KRT9: variants seen among roughly 807,000 people sequenced by gnomAD.
KRT9 encodes keratin, type I cytoskeletal 9.
Under a neutral mutation model 51.4 loss-of-function variants are expected in KRT9, and 34 were observed. The observed-to-expected ratio is 0.66, with a 90% CI of 0.50 to 0.88. The LOEUF (loss-of-function observed/expected upper bound fraction) is 0.88. Ranked by LOEUF, KRT9 falls within the 40% of genes least tolerant of loss-of-function variation. KRT9 has a pLI of 0.00. For synonymous variants in KRT9, 292 were observed against 289.7 expected, an observed-to-expected ratio of 1.01 and a Z score of -0.08; for missense variants, 753 against 790.3, an observed-to-expected ratio of 0.95 and a Z score of 0.57.
rs1223547795 is a variant in KRT9, at chr17:41,570,158, T to A, written c.705A>T (p.Thr235=). ...TLLDIDNTRM[T]LDDFRIKFEM... ...CTCACTTTATCCTGAAGTCATCCAG[T>A]GTCATGCGAGTGTTGTCAATGTCCA... The change falls in exon 2 of 8, where the codon ACA becomes ACT. Residue 235 remains threonine (T), a synonymous_variant. Coordinates refer to ENST00000246662, the MANE Select transcript of KRT9 (RefSeq NM_000226.4). 2 of 1,613,886 alleles carry A rather than the reference T, an allele frequency of 1.2e-6. No homozygotes were observed. The highest frequency in any genetic ancestry group is 1.7e-5 in the Admixed American group (1 of 59,998).
At position 41,568,570 on chromosome 17, in the gene KRT9, C is replaced by T. The variant is rs1326817006; in HGVS notation, c.1108G>A (p.Val370Met). ...GQEVQSSAKEVTQLRHGVQEL... is the reference protein window; with the variant it reads ...GQEVQSSAKEMTQLRHGVQEL... ...TGGACACCGTGCCGGAGCTGGGTCACCTCCTTGGCACTGGACTGCACCTCC... is the reference window on the plus strand; with the variant it reads ...TGGACACCGTGCCGGAGCTGGGTCATCTCCTTGGCACTGGACTGCACCTCC... Residue 370 changes from valine (V) to methionine (M), a missense_variant, in exon 5 of 8, where the codon GTG becomes ATG. By Grantham distance (21) the Val-to-Met change is conservative. Around this residue, in one of 3 missense-constraint regions of KRT9, gnomAD observed 507 missense variants for 563.7 expected, o/e 0.90. Transcript: ENST00000246662. The T allele has an allele frequency of 3.7e-6, 6 of 1,614,048 alleles. No homozygotes were observed. The highest frequency in any genetic ancestry group is 5.1e-6 in the Non-Finnish European group (6 of 1,180,028).
At chr17:41,568,469 G>A in intron 5 of KRT9, 39 bp downstream of exon 5, 1 of 1,614,028 alleles carries the variant, frequency 6.2e-7, no homozygotes, top group Non-Finnish European at 8.5e-7. Flanking sequence ...GACTTCCTGT[G>A]CCCCACCTTG....
chr17:41,569,898 C>A lies in KRT9; in HGVS notation c.843G>T (p.Leu281=), dbSNP rs1907017871. The A allele has an allele frequency of 2.5e-6, 4 of 1,614,218 alleles. No homozygotes were observed. Among genetic ancestry groups the A allele is most frequent in the South Asian group, 1.1e-5 (1 of 91,088 alleles). ...TCTTGAGGGCCATCAGCTCCTCCTG[C>A]AGAGTCTCATACTGCATCTCCAGGT... ...KSDLEMQYET[L]QEELMALKKN... Residue 281 remains leucine, a synonymous_variant, in exon 3 of 8, where the codon CTG becomes CTT. Transcript: ENST00000246662.
Position 41,569,336 on chromosome 17 carries a change from G to A in KRT9, c.1044+90C>T, listed in dbSNP as rs1451569266. 7 of 1,273,734 alleles carry A rather than the reference G, an allele frequency of 5.5e-6. No homozygotes were observed. In the Admixed American group the frequency reaches 1.4e-4, roughly 25 times the overall value. The allele number at this position is 1,273,734 out of a possible 1,614,324, so 78.9% of individuals were successfully genotyped here. On this transcript the variant is annotated intron_variant, in intron 4 of 7. Coordinates refer to ENST00000246662, the MANE Select transcript of KRT9 (RefSeq NM_000226.4). Reference sequence around the variant, plus strand: ...TGACAGCTGCACTGAGAGATGCAGAGATAGGAGGATGAAGGAATGGGAGGT... The same window carrying A: ...TGACAGCTGCACTGAGAGATGCAGAAATAGGAGGATGAAGGAATGGGAGGT...
chr17:41,568,434 C>G (rs776682268), intron 5 of KRT9, 49 bp from the exon 6 acceptor site: 1 of 1,613,998 alleles, frequency 6.2e-7, no homozygotes, highest in Non-Finnish European at 8.5e-7. Flanking sequence ...CATAACTCCT[C>G]TTCTTCCCAC....
intron 6 of KRT9, 67 bp downstream of exon 6, chr17:41,568,095 G>T: frequency 7.4e-7 from 1 of 1,360,304 alleles, no homozygotes; most frequent in Non-Finnish European, 1.0e-6. Flanking sequence ...CCTCTATCCA[G>T]AGGGACAGAA....
rs750792652 is a variant in KRT9, at chr17:41,571,333, A to G, written c.642+18T>C. 3.7e-6 allele frequency: 6 copies of G among 1,602,824 alleles called. No homozygotes were observed. The South Asian group carries it at 4.4e-5, about 12-fold the overall frequency. Reference sequence around the variant, plus strand: ...GAAAGAGAAAGAGACCAAGACAGAGACAGTTTCCTGCACCTACCTGGTCCT... The same window carrying G: ...GAAAGAGAAAGAGACCAAGACAGAGGCAGTTTCCTGCACCTACCTGGTCCT... On this transcript the variant is annotated intron_variant, in intron 1 of 7. Coordinates refer to ENST00000246662, the MANE Select transcript of KRT9 (RefSeq NM_000226.4).
In KRT9 at chr17:41,569,784, T is replaced by C. The variant is rs1907012194; in HGVS notation, c.882+75A>G. 5.0e-6 allele frequency: 8 copies of C among 1,585,340 alleles called. No homozygotes were observed. In the Admixed American group the frequency reaches 1.3e-4, roughly 26 times the overall value. On this transcript the variant is annotated intron_variant, in intron 3 of 7. Coordinates refer to ENST00000246662, the MANE Select transcript of KRT9 (RefSeq NM_000226.4). ...AGGAGAGGGTGTCTCCCAGGTAATG[T>C]TCCAAAGCTCCCCTGCTGTCTCTGC...
rs1252803746 is a variant in KRT9, at chr17:41,571,914, TGCCCCCGCTGCCCAGGCC to T, written c.61_78del (p.Gly21_Gly26del). 7 of 1,591,190 alleles carry T rather than the reference TGCCCCCGCTGCCCAGGCC, an allele frequency of 4.4e-6. No individual in the cohort carries two copies. The Admixed American group carries it at 5.2e-5, about 12-fold the overall frequency. On this transcript the variant is annotated inframe_deletion, in exon 1 of 8. Transcript: ENST00000246662. ...AAGCGGCTGTAGGAAGACCTTATGC[TGCCCCCGCTGCCCAGGCC>T]GCCCCCGCCACCCCCGCCGCTGCGG...
At chr17:41,570,251 A>T in intron 1 of KRT9, 31 bp from the exon 2 acceptor site, 1 of 1,589,136 alleles carries the variant, frequency 6.3e-7, no homozygotes, top group Non-Finnish European at 8.6e-7. Context: ...CCATGATATC[A>T]TGCTGTGGAC....
rs574876523 is a variant in KRT9, at chr17:41,571,537, A to G, written c.456T>C (p.Asn152=). The change falls in exon 1 of 8, where the codon AAT becomes AAC. Residue 152 remains asparagine, a synonymous_variant. Transcript: ENST00000246662. ...GGGDGGILTA[N]EKSTMQELNS... ...TGAGTTCCTGCATGGTGCTCTTCTC[A>G]TTAGCAGTCAGAATACCACCATCAC... The G allele has an allele frequency of 1.1e-5, 17 of 1,613,858 alleles. No individual in the cohort carries two copies. The African/African-American group carries it at 1.5e-4, about 14-fold the overall frequency.
chr17:41,569,306 A>C (rs998897693), intron 4 of KRT9, 120 bp downstream of exon 4: 3 of 1,017,410 alleles, frequency 2.9e-6, no homozygotes, highest in Non-Finnish European at 4.5e-6. Flanking sequence ...TGGAAGATGG[A>C]TAAATGACAG....
chr17:41,569,684 C>A, intron 3 of KRT9, 97 bp from the exon 4 acceptor site: 1 of 1,547,738 alleles, frequency 6.5e-7, no homozygotes, highest in Non-Finnish European at 8.9e-7. Context: ...AAAAAGGGGA[C>A]ACAGTTGTGA....
Position 41,568,633 on chromosome 17 carries a change from T to C in KRT9, c.1045A>G (p.Ile349Val), listed in dbSNP as rs765614140. 6.8e-6 allele frequency: 11 copies of C among 1,614,020 alleles called. No homozygotes were observed. Among genetic ancestry groups the C allele is most frequent in the African/African-American group, 1.3e-5 (1 of 74,906 alleles). ...GATACCTCATGCTCGATCTGGGTTATCTGCAAAACCAAAGGCTCAGTAAGC... is the reference window on the plus strand; with the variant it reads ...GATACCTCATGCTCGATCTGGGTTACCTGCAAAACCAAAGGCTCAGTAAGC... Reference protein sequence around the residue: ...KDIENQYETQITQIEHEVSSS... With the variant: ...KDIENQYETQVTQIEHEVSSS... Residue 349 changes from isoleucine (I) to valine (V), a missense_variant and splice_region_variant, in exon 5 of 8, where the codon ATA (isoleucine) becomes GTA (valine). By Grantham distance (29) the Ile-to-Val change is conservative (BLOSUM62 3). Around this residue, in one of 3 missense-constraint regions of KRT9, gnomAD observed 507 missense variants for 563.7 expected, o/e 0.90. Transcript: ENST00000246662.
Position 41,566,072 on chromosome 17 carries a change from C to G in KRT9, c.*121G>C, listed in dbSNP as rs1004261060. On this transcript the variant is annotated 3_prime_UTR_variant, in exon 8 of 8. Transcript: ENST00000246662. ...TCAGGATCCAATAAGCAGGCTTCATCGGGAGTCTGCCCATCTGGGGATGCT... is the reference window on the plus strand; with the variant it reads ...TCAGGATCCAATAAGCAGGCTTCATGGGGAGTCTGCCCATCTGGGGATGCT... The G allele has an allele frequency of 6.5e-6, 1 of 152,688 alleles. No individual in the cohort carries two copies. The highest frequency in any genetic ancestry group is 6.5e-5 in the Admixed American group (1 of 15,274). The allele number at this position is 152,688 out of a possible 1,614,324, so 9.5% of individuals were successfully genotyped here.
At chr17:41,571,010 C>T (rs948273080) in intron 1 of KRT9, among the ~76,000 whole-genome samples, 10 of 152,104 alleles carry the variant, frequency 6.6e-5, no homozygotes, top group Non-Finnish European at 1.3e-4. Context: ...CTAAAGAAGC[C>T]CAGGAGAAGT....
chr17:41,571,258 T>C, intron 1 of KRT9, 93 bp downstream of exon 1: 2 of 1,140,250 alleles, frequency 1.8e-6, no homozygotes, highest in East Asian at 2.3e-5. Context: ...TCCCTGGCTA[T>C]TATCTGAGCT....
Position 41,567,538 on chromosome 17 carries a change from C to T in KRT9, c.1607G>A (p.Gly536Glu), listed in dbSNP as rs1338754992. The T allele has an allele frequency of 1.3e-6, 2 of 1,551,760 alleles. No individual in the cohort carries two copies. Among genetic ancestry groups the T allele is most frequent in the East Asian group, 4.9e-5 (2 of 40,914 alleles). The change falls in exon 7 of 8, where the codon GGA becomes GAA. Residue 536 changes from glycine to glutamate, a missense_variant. This residue lies in a region of KRT9 where 507 missense variants were observed against 563.7 expected (regional missense o/e 0.90). Coordinates refer to ENST00000246662, the MANE Select transcript of KRT9 (RefSeq NM_000226.4). ...TCCGCTATGGCCACCTCCACTTCCT[C>T]CACCATAGCCACCTCCACTACCTCC... ...SGGGSGGGYGGGSGGGHSGGS... is the reference protein window; with the variant it reads ...SGGGSGGGYGEGSGGGHSGGS...
chr17:41,568,676 G>T (rs977015645), intron 4 of KRT9, 43 bp from the exon 5 acceptor site: 2 of 1,613,538 alleles, frequency 1.2e-6, no homozygotes, highest in African/African-American at 2.7e-5. Context: ...TGTGCCAGGA[G>T]CTTCAGTGAG....
Sources: gnomAD v4.1 joint callset for allele counts (sites outside exome capture counted in the v4.1 genomes callset) on GRCh38, gnomAD v4.1.1 for gene constraint, gnomAD v4.1.1 regional missense constraint, MANE v1.5 for transcripts, NCBI Gene and HGNC (gene_info 2026-07-23, HGNC 2026-07-21) for gene names.